Variants in NMD3 observed in about 807,000 individuals in gnomAD.
The protein encoded by NMD3 is NMD3 ribosome export adaptor.
Under a neutral mutation model 73.1 loss-of-function variants are expected in NMD3, and 47 were observed. The observed-to-expected ratio is 0.64, with a 90% CI of 0.51 to 0.82. The LOEUF is 0.82. NMD3 is among the 40% of genes least tolerant of loss of function. The pLI is 0.00. For missense variants in NMD3, 554 were observed against 612.5 expected, an observed-to-expected ratio of 0.90 and a Z score of 1.01; for synonymous variants, 210 against 194.5, an observed-to-expected ratio of 1.08 and a Z score of -0.66.
chr3:161,229,355 G>A (rs1009104219), intron 4 of NMD3, among the ~76,000 whole-genome samples: 1 of 152,162 alleles, frequency 6.6e-6, no homozygotes, highest in Non-Finnish European at 1.5e-5. Flanking sequence ...CAATGGAGGT[G>A]GTAAGAAGTG....
At chr3:161,238,859 A>G (rs1263524783) in intron 9 of NMD3, 33 bp downstream of exon 9, 4 of 1,016,144 alleles carry the variant, frequency 3.9e-6, no homozygotes, top group Non-Finnish European at 6.0e-6. Context: ...CCATATCTGT[A>G]AAAGAGTACA....
chr3:161,244,658 A>T (rs1217855267), intron 11 of NMD3, among the ~76,000 whole-genome samples: 4 of 127,068 alleles, frequency 3.1e-5, no homozygotes, highest in Admixed American at 8.4e-5. Context: ...TTTTTTTTTT[A>T]AAGAGACAAG....
Position 161,221,311 on chromosome 3 carries a change from C to G in NMD3, c.-119C>G, listed in dbSNP as rs1253520388. The G allele has an allele frequency of 6.6e-6, 1 of 152,440 alleles. No individual in the cohort carries two copies. Among genetic ancestry groups the G allele is most frequent in the Non-Finnish European group, 1.5e-5 (1 of 68,188 alleles). 9.4% of individuals were successfully genotyped at this position (152,440 alleles called of 1,614,324 possible). Reference sequence around the variant, plus strand: ...TCGAGCATTTCGCTCGCGAGATCTTCTCTGTGGCGGAGACAGCCAGGTTGG... The same window carrying G: ...TCGAGCATTTCGCTCGCGAGATCTTGTCTGTGGCGGAGACAGCCAGGTTGG... On this transcript the variant is annotated 5_prime_UTR_variant, in exon 1 of 16. Coordinates refer to ENST00000351193, the MANE Select transcript of NMD3 (RefSeq NM_015938.5).
rs1364732215 is a variant in NMD3, at chr3:161,242,551, T to C, written c.915T>C (p.Asn305=). 6 of 1,613,686 alleles carry C rather than the reference T, an allele frequency of 3.7e-6. No homozygotes were observed. Among genetic ancestry groups the C allele is most frequent in the Non-Finnish European group, 5.1e-6 (6 of 1,179,662 alleles). ...DGSTFWSHPF[N]SLCHPKQLEE... is the part of the protein sequence containing the mutation. ...GCACTTTCTGGAGTCACCCTTTCAA[T>C]AGTTTATGTCATCCCAAACAGCTAG... Residue 305 remains asparagine, a synonymous_variant, in exon 11 of 16, where the codon AAT becomes AAC. Transcript: ENST00000351193.
intron 6 of NMD3, 34 bp downstream of exon 6, chr3:161,234,889 C>T: frequency 1.2e-6 from 2 of 1,605,006 alleles, no homozygotes; most frequent in Non-Finnish European, 1.7e-6. Flanking sequence ...AGTCCTACAT[C>T]TTATATTTCG....
chr3:161,248,617 G>A (rs1737349386), intron 13 of NMD3, among the ~76,000 whole-genome samples: 1 of 152,240 alleles, frequency 6.6e-6, no homozygotes, highest in African/African-American at 2.4e-5. Flanking sequence ...AGTTAAGGCT[G>A]TTATTCAAAG....
intron 2 of NMD3, among the ~76,000 whole-genome samples, chr3:161,224,632 G>T (rs184415339): frequency 6.6e-6 from 1 of 152,062 alleles, no homozygotes; most frequent in South Asian, 2.1e-4. Context: ...GATTACAGGC[G>T]TGCGCCACCA....
intron 7 of NMD3, among the ~76,000 whole-genome samples, chr3:161,236,680 C>G (rs1736768780): frequency 6.6e-6 from 1 of 152,058 alleles, no homozygotes; most frequent in Non-Finnish European, 1.5e-5. Flanking sequence ...TAGTTTCTTT[C>G]AAGTGTTTTA....
chr3:161,233,920 A>G (rs1736638257), intron 5 of NMD3, among the ~76,000 whole-genome samples: 1 of 151,014 alleles, frequency 6.6e-6, no homozygotes, highest in African/African-American at 2.5e-5. Context: ...TAACTGGTTG[A>G]ACATCCCTAA....
chr3:161,234,128 A>G (rs1736648772), intron 5 of NMD3, among the ~76,000 whole-genome samples: 1 of 151,354 alleles, frequency 6.6e-6, no homozygotes, highest in Admixed American at 6.6e-5. Flanking sequence ...TTTTTTTGAG[A>G]AGTTTTCCTT....
At chr3:161,239,783 T>C (rs1736900259) in intron 9 of NMD3, among the ~76,000 whole-genome samples, 1 of 152,216 alleles carries the variant, frequency 6.6e-6, no homozygotes, top group South Asian at 2.1e-4. Flanking sequence ...AAGAGACAGA[T>C]GGTAAATTTT....
intron 4 of NMD3, 149 bp downstream of exon 4, chr3:161,227,492 G>A (rs1301465056): frequency 1.8e-5 from 10 of 548,574 alleles, no homozygotes; most frequent in Non-Finnish European, 2.8e-5. Flanking sequence ...ACCTGGGCTA[G>A]GCTAGAGTAC....
At chr3:161,245,012 A>G (rs551244921) in intron 11 of NMD3, among the ~76,000 whole-genome samples, 7 of 152,162 alleles carry the variant, frequency 4.6e-5, no homozygotes, top group African/African-American at 1.7e-4. Flanking sequence ...TTCTGGTGCA[A>G]CACAGCATTC....
intron 11 of NMD3, among the ~76,000 whole-genome samples, chr3:161,244,551 T>A (rs920875326): frequency 6.6e-6 from 1 of 152,144 alleles, no homozygotes; most frequent in Non-Finnish European, 1.5e-5. Context: ...TGATTATCAT[T>A]GTGATCTCCT....
At chr3:161,229,215 G>A (rs1736442621) in intron 4 of NMD3, among the ~76,000 whole-genome samples, 1 of 152,182 alleles carries the variant, frequency 6.6e-6, no homozygotes, top group East Asian at 1.9e-4. Context: ...GGAGTATAGA[G>A]GGTGAAGGGC....
At chr3:161,233,355 C>A (rs1333314595) in intron 4 of NMD3, 44 bp from the exon 5 acceptor site, 1 of 1,380,386 alleles carries the variant, frequency 7.2e-7, no homozygotes, top group Non-Finnish European at 1.0e-6. Flanking sequence ...TTTTTTCCTC[C>A]TAGGTGAGAA....
chr3:161,240,088 A>G (rs1464054839), intron 9 of NMD3, among the ~76,000 whole-genome samples: 2 of 152,234 alleles, frequency 1.3e-5, no homozygotes, highest in South Asian at 2.1e-4. Flanking sequence ...GTATTAAACT[A>G]TGTAAAAAAG....
In NMD3 at chr3:161,238,180, A is replaced by C. The variant is rs938383820; in HGVS notation, c.645A>C (p.Thr215=). 9 of 1,599,024 alleles carry C rather than the reference A, an allele frequency of 5.6e-6. No individual in the cohort carries two copies. Among genetic ancestry groups the C allele is most frequent in the Non-Finnish European group, 7.7e-6 (9 of 1,170,446 alleles). The part of the protein sequence containing the change: ...AQKMVEFLQC[T]VPCRYKASQR... ...AGATGGTCGAATTTCTTCAGTGTAC[A>C]GTTCCCTGTAGGTATGTTCTGAACC... is the stretch of plus-strand genomic sequence containing the variant. The change falls in exon 8 of 16, where the codon ACA becomes ACC. Residue 215 remains threonine (T), a synonymous_variant. Coordinates refer to ENST00000351193, the MANE Select transcript of NMD3 (RefSeq NM_015938.5).
intron 11 of NMD3, among the ~76,000 whole-genome samples, chr3:161,246,062 T>TA (rs1383387580): frequency 6.6e-6 from 1 of 152,146 alleles, no homozygotes; most frequent in Non-Finnish European, 1.5e-5. Flanking sequence ...CATATATATA[T>TA]TTTTAGGGAC....
Sources: allele counts gnomAD v4.1 joint callset (sites outside exome capture counted in the v4.1 genomes callset), GRCh38; gene constraint gnomAD v4.1.1; transcripts MANE v1.5; gene names NCBI Gene and HGNC (gene_info 2026-07-23, HGNC 2026-07-21).